SLCO2A1: variants seen among roughly 807,000 people sequenced by gnomAD.
SLCO2A1 encodes the protein matrin F/G 1.
In SLCO2A1, 60 loss-of-function variants were observed where a neutral mutation model predicts 71.7. The ratio of observed to expected loss-of-function variants is 0.84; its 90% CI spans 0.68 to 1.04. The LOEUF (loss-of-function observed/expected upper bound fraction) is 1.04. Among genes scored for constraint, SLCO2A1 ranks in the 50% least tolerant of loss-of-function variants. The pLI is 0.00. For missense variants in SLCO2A1, 745 were observed against 813.4 expected (o/e 0.92, Z 1.02); for synonymous variants, 308 against 326.7 (o/e 0.94, Z 0.62).
chr3:133,997,865 C>T lies in SLCO2A1; in HGVS notation c.97-18247G>A, dbSNP rs191215025. ...CCCAGTATTACAGACTGTAAAATGACGGGCAAGTTACACTATTTATGTTAA... is the reference window on the plus strand; with the variant it reads ...CCCAGTATTACAGACTGTAAAATGATGGGCAAGTTACACTATTTATGTTAA... On this transcript the variant is annotated intron_variant, in intron 1 of 13. Transcript: ENST00000310926. Among the ~76,000 whole-genome samples, 64 of 152,300 alleles carry T rather than the reference C, an allele frequency of 4.2e-4. No individual in the cohort carries two copies. The South Asian group carries it at 7.7e-3, about 18-fold the overall frequency.
chr3:133,980,142 C>A (rs941473160), intron 1 of SLCO2A1, among the ~76,000 whole-genome samples: 1 of 152,208 alleles, frequency 6.6e-6, no homozygotes, highest in African/African-American at 2.4e-5. Context: ...TGAGGCCCAC[C>A]TCTAATGCCT....
At chr3:133,995,159 C>CCTCCAT (rs950343318) in intron 1 of SLCO2A1, among the ~76,000 whole-genome samples, 1 of 150,048 alleles carries the variant, frequency 6.7e-6, no homozygotes, top group Non-Finnish European at 1.5e-5. Context: ...TCACCACACA[C>CCTCCAT]CTCCAGGGGA....
Position 133,968,794 on chromosome 3 carries a change from G to A in SLCO2A1, c.397+4869C>T, listed in dbSNP as rs73861289. Reference sequence around the variant, plus strand: ...GTTTCCCATAGAGGAAAACCTCTCCGCGCCTTCCAGACGTGGTCTTAGAGG... The same window carrying A: ...GTTTCCCATAGAGGAAAACCTCTCCACGCCTTCCAGACGTGGTCTTAGAGG... On this transcript the variant is annotated intron_variant, in intron 3 of 13. Coordinates refer to ENST00000310926, the MANE Select transcript of SLCO2A1 (RefSeq NM_005630.3). Among the ~76,000 whole-genome samples the A allele has an allele frequency of 4.3e-3, 656 of 152,232 alleles. 4 individuals are homozygous for A. Among genetic ancestry groups the A allele is most frequent in the East Asian group, 0.022 (112 of 5,170 alleles).
chr3:133,990,043 C>T (rs985128110), intron 1 of SLCO2A1, among the ~76,000 whole-genome samples: 5 of 152,200 alleles, frequency 3.3e-5, no homozygotes, highest in Non-Finnish European at 7.3e-5. Flanking sequence ...GGGTAAAGGG[C>T]TGTTCTATCT....
At chr3:133,990,164 G>A (rs901897580) in intron 1 of SLCO2A1, among the ~76,000 whole-genome samples, 32 of 152,380 alleles carry the variant, frequency 2.1e-4, no homozygotes, top group Admixed American at 3.3e-4. Flanking sequence ...CCCCGTGCAC[G>A]CAGTTGACCA....
intron 11 of SLCO2A1, among the ~76,000 whole-genome samples, chr3:133,939,713 G>A (rs1163465756): frequency 6.6e-6 from 1 of 152,112 alleles, no homozygotes; most frequent in African/African-American, 2.4e-5. Context: ...GCCTTGTCTT[G>A]GCCCTTGCCC....
intron 12 of SLCO2A1, 24 bp downstream of exon 12, chr3:133,938,405 G>T: frequency 6.2e-7 from 1 of 1,611,546 alleles, no homozygotes; most frequent in Non-Finnish European, 8.5e-7. Context: ...CCACTTCTTG[G>T]GAAGAGGGGT....
chr3:133,954,153 C>CTTT (rs60871049), intron 4 of SLCO2A1, among the ~76,000 whole-genome samples: 10 of 60,912 alleles, frequency 1.6e-4, no homozygotes, highest in South Asian at 7.9e-4. Context: ...GTGGTGTGTT[C>CTTT]TTTTTTTTTT....
intron 3 of SLCO2A1, among the ~76,000 whole-genome samples, chr3:133,969,366 G>T (rs1056627275): frequency 6.6e-6 from 1 of 152,144 alleles, no homozygotes; most frequent in Non-Finnish European, 1.5e-5. Context: ...GGAGGCAGAG[G>T]TTGCAGTGAG....
chr3:133,960,237 TAA>T (rs1934005998), intron 3 of SLCO2A1, among the ~76,000 whole-genome samples: 1 of 152,136 alleles, frequency 6.6e-6, no homozygotes, highest in Non-Finnish European at 1.5e-5. Flanking sequence ...AGCAAGGACT[TAA>T]AGAGATATTT....
At chr3:133,959,254 G>A (rs1167713717) in intron 3 of SLCO2A1, among the ~76,000 whole-genome samples, 1 of 152,168 alleles carries the variant, frequency 6.6e-6, no homozygotes, top group East Asian at 1.9e-4. Context: ...ATGTGGGCAT[G>A]ACTGAGAGGC....
chr3:133,995,152 C>T (rs991529919), intron 1 of SLCO2A1, among the ~76,000 whole-genome samples: 1 of 93,354 alleles, frequency 1.1e-5, no homozygotes, highest in African/African-American at 3.3e-5. Flanking sequence ...CTCTCAGTCA[C>T]CACACACCTC....
intron 3 of SLCO2A1, among the ~76,000 whole-genome samples, chr3:133,962,371 C>T (rs978285033): frequency 1.3e-5 from 2 of 152,092 alleles, no homozygotes; most frequent in African/African-American, 2.4e-5. Flanking sequence ...TGAGCCACTG[C>T]GCTCAGCCAA....
chr3:134,025,366 T>C (rs559784385), intron 1 of SLCO2A1, among the ~76,000 whole-genome samples: 33 of 152,314 alleles, frequency 2.2e-4, no homozygotes, highest in African/African-American at 7.9e-4. Context: ...ATGACCCATC[T>C]GAGCCTCCCA....
chr3:133,991,701 G>A (rs953764668), intron 1 of SLCO2A1, among the ~76,000 whole-genome samples: 1 of 152,174 alleles, frequency 6.6e-6, no homozygotes, highest in Non-Finnish European at 1.5e-5. Flanking sequence ...CTAGGCTGTG[G>A]AGCTGGGCCT....
intron 1 of SLCO2A1, among the ~76,000 whole-genome samples, chr3:134,011,954 C>A (rs1230972168): frequency 6.6e-6 from 1 of 152,122 alleles, no homozygotes. Flanking sequence ...ATGAGGGCAT[C>A]ACAAACTTGC....
chr3:133,937,457 T>C (rs1933295708), intron 12 of SLCO2A1, among the ~76,000 whole-genome samples: 1 of 152,164 alleles, frequency 6.6e-6, no homozygotes, highest in African/African-American at 2.4e-5. Context: ...TGGGACTGGA[T>C]TGGGCTCAGC....
chr3:133,973,801 A>G lies in SLCO2A1; in HGVS notation c.259T>C (p.Phe87Leu), dbSNP rs373445737. The change falls in exon 3 of 14, where the codon TTT becomes CTT. Residue 87 changes from phenylalanine (F) to leucine (L), a missense_variant. Physicochemically the swap from Phe to Leu is conservative, Grantham distance 22. Transcript: ENST00000310926. ...NEISNAILII[F>L]VSYFGSRVHR... is the part of the protein sequence containing the mutation. ...ACCCGGCTGCCAAAGTAGCTGACAA[A>G]GATGATGAGGATGGCATTGCTGATC... The G allele has an allele frequency of 3.7e-6, 6 of 1,613,692 alleles. No individual in the cohort carries two copies. The highest frequency in any genetic ancestry group is 3.3e-5 in the Admixed American group (2 of 59,966).
intron 11 of SLCO2A1, among the ~76,000 whole-genome samples, chr3:133,940,399 C>T (rs1933388441): frequency 6.6e-6 from 1 of 152,182 alleles, no homozygotes; most frequent in South Asian, 2.1e-4. Flanking sequence ...CCCAACTCGA[C>T]CTAGAAAGGA....
Sources: gnomAD v4.1 joint callset for allele counts (sites outside exome capture counted in the v4.1 genomes callset) on GRCh38, gnomAD v4.1.1 for gene constraint, MANE v1.5 for transcripts, NCBI Gene and HGNC (gene_info 2026-07-23, HGNC 2026-07-21) for gene names.